The following CHRM3 variants were observed in gnomAD, a reference collection of about 807,000 sequenced individuals.
CHRM3 encodes cholinergic receptor muscarinic 3, also known as muscarinic acetylcholine receptor M3.
A neutral mutation model predicts 41.8 loss-of-function variants in CHRM3; 11 were observed. The observed-to-expected ratio is 0.26, with a 90% CI of 0.17 to 0.44. The LOEUF (loss-of-function observed/expected upper bound fraction) is 0.44, where lower values mean the gene tolerates loss of function less well. CHRM3 is among the 20% of genes least tolerant of loss of function. The probability of loss-of-function intolerance (pLI) is 1.00; values close to 1 mark genes in which losing one functional copy is unlikely to be tolerated. For missense variants in CHRM3, 571 were observed against 745.4 expected (o/e 0.77, Z 2.72); for synonymous variants, 297 against 301.4 (o/e 0.99, Z 0.15).
intron 5 of CHRM3, among the ~76,000 whole-genome samples, chr1:239,692,493 G>A (rs1171935080): frequency 6.6e-6 from 1 of 152,088 alleles, no homozygotes; most frequent in Non-Finnish European, 1.5e-5. Flanking sequence ...TAACATGAAA[G>A]GACCACAAGG....
chr1:239,870,862 T>C (rs1257535290), intron 6 of CHRM3, among the ~76,000 whole-genome samples: 1 of 152,098 alleles, frequency 6.6e-6, no homozygotes, highest in African/African-American at 2.4e-5. Context: ...CAAATGACAT[T>C]CATTAGTTTT....
At chr1:239,602,045 CAT>C (rs1020180559) in intron 3 of CHRM3, among the ~76,000 whole-genome samples, 18 of 148,860 alleles carry the variant, frequency 1.2e-4, no homozygotes, top group East Asian at 2.0e-4. Context: ...CATATATACA[CAT>C]ATATATACAT....
At chr1:239,557,635 C>T (rs367976359) in intron 3 of CHRM3, among the ~76,000 whole-genome samples, 10 of 152,206 alleles carry the variant, frequency 6.6e-5, no homozygotes, top group African/African-American at 1.7e-4. Flanking sequence ...TCTCCCCCAC[C>T]GCTCCACCGT....
intron 1 of CHRM3, among the ~76,000 whole-genome samples, chr1:239,435,420 G>T (rs1027049173): frequency 2.7e-5 from 4 of 149,780 alleles, no homozygotes; most frequent in African/African-American, 9.9e-5. Flanking sequence ...CTGCACTCCA[G>T]CCTGGGCGAC....
chr1:239,806,889 C>G (rs1356636215), intron 5 of CHRM3, among the ~76,000 whole-genome samples: 1 of 152,154 alleles, frequency 6.6e-6, no homozygotes, highest in Non-Finnish European at 1.5e-5. Context: ...ATAAACTGTT[C>G]ACAGAAGAAT....
At chr1:239,559,345 G>A (rs1660658487) in intron 3 of CHRM3, among the ~76,000 whole-genome samples, 2 of 152,130 alleles carry the variant, frequency 1.3e-5, no homozygotes, top group Admixed American at 6.6e-5. Flanking sequence ...CTAAAAGTAT[G>A]TTCTGACATG....
At chr1:239,818,127 A>T (rs1254158194) in intron 5 of CHRM3, among the ~76,000 whole-genome samples, 1 of 152,106 alleles carries the variant, frequency 6.6e-6, no homozygotes, top group Non-Finnish European at 1.5e-5. Flanking sequence ...GGCAGAGTTG[A>T]TATCTGGTGA....
chr1:239,531,080 A>G, intron 2 of CHRM3, among the ~76,000 whole-genome samples: 1 of 152,300 alleles, frequency 6.6e-6, no homozygotes. Context: ...TAGAAAAATT[A>G]AAATGTTTAT....
At chr1:239,499,605 G>A (rs140863842) in intron 2 of CHRM3, among the ~76,000 whole-genome samples, 97 of 152,162 alleles carry the variant, frequency 6.4e-4, no homozygotes, top group African/African-American at 2.1e-3. Flanking sequence ...TCTTGAACTC[G>A]GTGCCACCAA....
At chr1:239,648,038 A>G (rs960110115) in intron 4 of CHRM3, among the ~76,000 whole-genome samples, 8 of 152,168 alleles carry the variant, frequency 5.3e-5, no homozygotes, top group African/African-American at 1.7e-4. Flanking sequence ...ACTTAAAAAG[A>G]GAAAATGAAA....
At chr1:239,454,506 G>A (rs1402958659) in intron 1 of CHRM3, among the ~76,000 whole-genome samples, 1 of 150,872 alleles carries the variant, frequency 6.6e-6, no homozygotes, top group Non-Finnish European at 1.5e-5. Flanking sequence ...TCATTATTTA[G>A]ATGTGAGTGA....
intron 5 of CHRM3, among the ~76,000 whole-genome samples, chr1:239,826,271 C>T (rs1268095786): frequency 2.0e-5 from 3 of 152,110 alleles, no homozygotes; most frequent in Non-Finnish European, 4.4e-5. Context: ...CCTCGCTCCC[C>T]ATTTGGTTGT....
intron 2 of CHRM3, among the ~76,000 whole-genome samples, chr1:239,531,433 G>A (rs1670394240): frequency 1.3e-5 from 2 of 151,954 alleles, no homozygotes; most frequent in Admixed American, 6.5e-5. Context: ...AGTTTTATGA[G>A]CACCAATGAT....
intron 5 of CHRM3, among the ~76,000 whole-genome samples, chr1:239,688,001 G>A (rs112491516): frequency 2.0e-5 from 3 of 151,798 alleles, no homozygotes; most frequent in Non-Finnish European, 4.4e-5. Flanking sequence ...CATCAAATAC[G>A]ACTGCTCTTA....
intron 1 of CHRM3, among the ~76,000 whole-genome samples, chr1:239,404,420 AAGAAAGAAAGAAAGAAAGAAAGAAAG>A (rs1660359706): frequency 3.2e-5 from 3 of 93,744 alleles, no homozygotes; most frequent in Admixed American, 2.3e-4. Flanking sequence ...AAAAGAAAGA[AAGAAAGAAAGAAAGAAAGAAAGAAAG>A]AAAGAAAGAA....
intron 1 of CHRM3, among the ~76,000 whole-genome samples, chr1:239,395,695 A>T (rs1319124808): frequency 6.6e-6 from 1 of 152,146 alleles, no homozygotes; most frequent in East Asian, 1.9e-4. Flanking sequence ...GGTGATGCAG[A>T]TACTGCTCCT....
chr1:239,782,330 G>C (rs528023764), intron 5 of CHRM3, among the ~76,000 whole-genome samples: 1 of 152,086 alleles, frequency 6.6e-6, no homozygotes, highest in South Asian at 2.1e-4. Flanking sequence ...TCTTGTCTAA[G>C]TTTTTGGCAG....
intron 6 of CHRM3, among the ~76,000 whole-genome samples, chr1:239,854,868 G>C (rs1674977662): frequency 6.6e-6 from 1 of 152,124 alleles, no homozygotes; most frequent in South Asian, 2.1e-4. Context: ...CAGATAAGTG[G>C]AAGGCATTTT....
At chr1:239,484,996 A>T (rs1193329139) in intron 1 of CHRM3, among the ~76,000 whole-genome samples, 2 of 152,204 alleles carry the variant, frequency 1.3e-5, no homozygotes, top group Non-Finnish European at 2.9e-5. Flanking sequence ...AATTTGTTGG[A>T]TGGAGGAAGA....
Sources: gnomAD v4.1 joint callset for allele counts (sites outside exome capture counted in the v4.1 genomes callset) on GRCh38, gnomAD v4.1.1 for gene constraint, MANE v1.5 for transcripts, NCBI Gene and HGNC (gene_info 2026-07-23, HGNC 2026-07-21) for gene names.